The following ZNF565 variants were observed in gnomAD, a reference collection of about 807,000 sequenced individuals.
The protein encoded by ZNF565 is zinc finger protein 565.
A neutral mutation model predicts 39.4 loss-of-function variants in ZNF565; 27 were observed. That is an observed-to-expected ratio of 0.69 (90% CI 0.51 to 0.95). The LOEUF is 0.95. Among genes scored for constraint, ZNF565 ranks in the 40% least tolerant of loss-of-function variants. The pLI is 0.00. For synonymous variants in ZNF565, 185 were observed against 216.6 expected (o/e 0.85, Z 1.28); for missense variants, 524 against 621.1 (o/e 0.84, Z 1.66).
At chr19:36,229,547 C>T (rs891706248) in intron 1 of ZNF565, among the ~76,000 whole-genome samples, 1 of 152,114 alleles carries the variant, frequency 6.6e-6, no homozygotes, top group African/African-American at 2.4e-5. Flanking sequence ...ACGCGTGTCA[C>T]GTATATCCTT....
chr19:36,230,686 G>A (rs1032807066), intron 1 of ZNF565, among the ~76,000 whole-genome samples: 8 of 152,320 alleles, frequency 5.3e-5, no homozygotes, highest in Middle Eastern at 6.8e-3. Flanking sequence ...TGGGCTGGAA[G>A]AGAGAGGGCA....
At chr19:36,221,413 C>G (rs1323800851) in intron 1 of ZNF565, among the ~76,000 whole-genome samples, 1 of 151,138 alleles carries the variant, frequency 6.6e-6, no homozygotes, top group Non-Finnish European at 1.5e-5. Flanking sequence ...CTCAGCCTCC[C>G]GAGTAGCTGG....
At chr19:36,239,492 A>T (rs1403988608) in intron 1 of ZNF565, among the ~76,000 whole-genome samples, 1 of 141,388 alleles carries the variant, frequency 7.1e-6, no homozygotes, top group Non-Finnish European at 1.5e-5. Flanking sequence ...TGTGCCAATT[A>T]AAAAAAAAAA....
chr19:36,222,897 CT>C (rs34403288), intron 1 of ZNF565, among the ~76,000 whole-genome samples: 1 of 141,824 alleles, frequency 7.1e-6, no homozygotes, highest in Non-Finnish European at 1.5e-5. Flanking sequence ...ATAATAGTTT[CT>C]TTTTTTACAT....
chr19:36,201,093 G>A (rs191172117), intron 2 of ZNF565, among the ~76,000 whole-genome samples: 44 of 152,178 alleles, frequency 2.9e-4, no homozygotes, highest in Admixed American at 1.2e-3. Context: ...ATTGAGCCCC[G>A]GAGTTTGAGA....
chr19:36,208,776 C>T (rs1199857346), intron 1 of ZNF565, among the ~76,000 whole-genome samples: 2 of 152,126 alleles, frequency 1.3e-5, no homozygotes, highest in Non-Finnish European at 1.5e-5. Flanking sequence ...GTAATCTCTT[C>T]CTGAAAAAGC....
chr19:36,241,636 C>A (rs1977802316), intron 1 of ZNF565, among the ~76,000 whole-genome samples: 1 of 150,584 alleles, frequency 6.6e-6, no homozygotes, highest in South Asian at 2.1e-4. Flanking sequence ...ACTAAAAATA[C>A]AAAAAATTAG....
chr19:36,233,556 G>A (rs75748054), intron 1 of ZNF565, among the ~76,000 whole-genome samples: 1 of 152,002 alleles, frequency 6.6e-6, no homozygotes, highest in Admixed American at 6.6e-5. Flanking sequence ...GATCATTATC[G>A]GGCGTTTCTC....
At chr19:36,223,422 G>A (rs1033420618) in intron 1 of ZNF565, among the ~76,000 whole-genome samples, 2 of 151,916 alleles carry the variant, frequency 1.3e-5, no homozygotes, top group African/African-American at 4.8e-5. Flanking sequence ...GAATGCAGTG[G>A]TGCGATTTCG....
At chr19:36,243,578 C>T (rs1210390504) in intron 1 of ZNF565, among the ~76,000 whole-genome samples, 1 of 152,120 alleles carries the variant, frequency 6.6e-6, no homozygotes, top group Non-Finnish European at 1.5e-5. Flanking sequence ...TATCTTTTGG[C>T]TTTGGAAGGA....
chr19:36,210,665 C>G (rs1976321392), intron 1 of ZNF565, among the ~76,000 whole-genome samples: 2 of 151,086 alleles, frequency 1.3e-5, no homozygotes, highest in African/African-American at 4.9e-5. Context: ...TGTTTCATCA[C>G]CCAGGCTGGA....
intron 2 of ZNF565, among the ~76,000 whole-genome samples, chr19:36,198,164 T>C (rs554593122): frequency 6.6e-6 from 1 of 152,008 alleles, no homozygotes; most frequent in African/African-American, 2.4e-5. Context: ...GAAATCAGTA[T>C]ATCGAAGAGA....
At chr19:36,206,299 C>T (rs76143846) in intron 1 of ZNF565, among the ~76,000 whole-genome samples, 4,005 of 151,986 alleles carry the variant, frequency 0.026, 187 homozygotes, top group African/African-American at 0.089. Flanking sequence ...CCAACAAACA[C>T]TGACATACGG....
At chr19:36,232,702 G>A (rs147318666) in intron 1 of ZNF565, among the ~76,000 whole-genome samples, 4,600 of 150,292 alleles carry the variant, frequency 0.031, 114 homozygotes, top group South Asian at 0.11. Context: ...TCCACCTCCC[G>A]GTTTCAAGTG....
At chr19:36,221,572 G>A (rs923214590) in intron 1 of ZNF565, among the ~76,000 whole-genome samples, 2 of 152,164 alleles carry the variant, frequency 1.3e-5, no homozygotes, top group Non-Finnish European at 2.9e-5. Context: ...ACAGGCTTGA[G>A]CCACCGTGCC....
intron 1 of ZNF565, among the ~76,000 whole-genome samples, chr19:36,227,743 G>A (rs1977137156): frequency 6.6e-6 from 1 of 152,086 alleles, no homozygotes; most frequent in Non-Finnish European, 1.5e-5. Flanking sequence ...TATAAGGACG[G>A]TGTGTCACTG....
intron 2 of ZNF565, among the ~76,000 whole-genome samples, chr19:36,201,465 G>A (rs1019178341): frequency 1.3e-5 from 2 of 150,288 alleles, no homozygotes; most frequent in Non-Finnish European, 3.0e-5. Flanking sequence ...CTGGTGCTCT[G>A]CTAAGAGCAT....
At chr19:36,217,702 TG>T (rs1217620397), upstream of ZNF565, among the ~76,000 whole-genome samples, 4 of 151,648 alleles carry the variant, frequency 2.6e-5, no homozygotes, top group Admixed American at 6.6e-5. Context: ...GTGACCAACA[TG>T]GAGAAACCCC....
chr19:36,185,362 T>C (rs2145296565), intron 4 of ZNF565, among the ~76,000 whole-genome samples: 1 of 144,500 alleles, frequency 6.9e-6, no homozygotes, highest in Non-Finnish European at 1.5e-5. Context: ...TGTGGTGAGC[T>C]GAGATCGCAC....
Sources: allele counts gnomAD v4.1 joint callset (sites outside exome capture counted in the v4.1 genomes callset), GRCh38; gene constraint gnomAD v4.1.1; transcripts MANE v1.5; gene names NCBI Gene and HGNC (gene_info 2026-07-23, HGNC 2026-07-21).